CDH12: variants seen among roughly 807,000 people sequenced by gnomAD.
The protein encoded by CDH12 is cadherin-12.
In CDH12, 41 loss-of-function variants were observed where a neutral mutation model predicts 74.1. The ratio of observed to expected loss-of-function variants is 0.55; its 90% CI spans 0.43 to 0.72. The LOEUF is 0.72. CDH12 is among the 30% of genes least tolerant of loss of function. The pLI is 0.00. For synonymous variants in CDH12, 399 were observed against 355.0 expected, an observed-to-expected ratio of 1.12 and a Z score of -1.39; for missense variants, 945 against 977.2, an observed-to-expected ratio of 0.97 and a Z score of 0.44.
At chr5:22,774,644 G>A (rs957666856) in intron 1 of CDH12, among the ~76,000 whole-genome samples, 23 of 152,240 alleles carry the variant, frequency 1.5e-4, no homozygotes, top group African/African-American at 5.3e-4. Context: ...ATCCACGCAA[G>A]ACATGACTTG....
chr5:21,904,551 T>C (rs1753549232), intron 6 of CDH12, among the ~76,000 whole-genome samples: 1 of 152,074 alleles, frequency 6.6e-6, no homozygotes, highest in Middle Eastern at 3.2e-3. Context: ...AGAGGATCAC[T>C]TGAGGCCAGG....
At chr5:21,884,366 C>T in intron 6 of CDH12, 1 of 985,562 alleles carries the variant, frequency 1.0e-6, no homozygotes, top group Middle Eastern at 3.1e-4. Context: ...AAGCCCAAGG[C>T]AGTGTTCCTC....
intron 1 of CDH12, among the ~76,000 whole-genome samples, chr5:22,794,625 T>C (rs991780695): frequency 8.6e-5 from 13 of 152,026 alleles, no homozygotes; most frequent in East Asian, 1.9e-4. Flanking sequence ...TTAGAGAGAA[T>C]AGAAAAAAAT....
At chr5:22,833,984 T>C (rs1354080401) in intron 1 of CDH12, among the ~76,000 whole-genome samples, 2 of 152,126 alleles carry the variant, frequency 1.3e-5, no homozygotes, top group African/African-American at 4.8e-5. Context: ...GACCCTCCAT[T>C]AACTCTGCCC....
chr5:22,313,464 C>A (rs889319561), intron 3 of CDH12, among the ~76,000 whole-genome samples: 1 of 152,102 alleles, frequency 6.6e-6, no homozygotes, highest in African/African-American at 2.4e-5. Flanking sequence ...TTTAGGGTGA[C>A]CAACTTATTC....
chr5:22,689,840 T>C (rs986648498), intron 1 of CDH12, among the ~76,000 whole-genome samples: 1 of 152,014 alleles, frequency 6.6e-6, no homozygotes, highest in African/African-American at 2.4e-5. Context: ...ATGACAGAGA[T>C]GAGTGGACAA....
rs907451828 is a variant in CDH12, at chr5:22,428,449, G to A, written c.-427-23098C>T. On this transcript the variant is annotated intron_variant, in intron 2 of 14. Transcript: ENST00000382254. ...GAGGAATACACATATATATATATGT[G>A]TGTGTGTGTGTGATATGTATGTGTG... 3.9e-3 allele frequency among the ~76,000 whole-genome samples: 593 copies of A among 152,010 alleles called. 7 individuals carry two copies. Among genetic ancestry groups the A allele is most frequent in the African/African-American group, 0.014 (563 of 41,460 alleles).
At chr5:22,017,649 A>T (rs547494240) in intron 5 of CDH12, among the ~76,000 whole-genome samples, 10 of 152,144 alleles carry the variant, frequency 6.6e-5, no homozygotes, top group Non-Finnish European at 1.2e-4. Context: ...GGAGCCAAGA[A>T]TGGCATGCAG....
At chr5:21,799,696 A>G (rs1395102834) in intron 10 of CDH12, among the ~76,000 whole-genome samples, 1 of 152,190 alleles carries the variant, frequency 6.6e-6, no homozygotes, top group Non-Finnish European at 1.5e-5. Context: ...TAATTCTCCA[A>G]ATCGAGGGAA....
chr5:21,903,926 C>A (rs7445360), intron 6 of CDH12, among the ~76,000 whole-genome samples: 111,283 of 152,038 alleles, frequency 0.73, 43,314 homozygotes, highest in Non-Finnish European at 0.86. Context: ...TCAACGACAT[C>A]ATTCCCAATT....
At position 21,994,920 on chromosome 5, in the gene CDH12, A is replaced by G. The variant is rs185712658; in HGVS notation, c.232-19535T>C. On this transcript the variant is annotated intron_variant, in intron 5 of 14. Transcript: ENST00000382254. ...TAAGGTAATAAAAGCTGGCCACCTG[A>G]GCCAGCAACGGCAACGGAGTGGGGT... is the stretch of plus-strand genomic sequence containing the variant. 3.5e-3 allele frequency among the ~76,000 whole-genome samples: 534 copies of G among 152,272 alleles called. 4 individuals carry two copies. The highest frequency in any genetic ancestry group is 0.012 in the African/African-American group (499 of 41,558).
intron 9 of CDH12, among the ~76,000 whole-genome samples, chr5:21,803,774 A>T (rs1747268271): frequency 6.6e-6 from 1 of 152,268 alleles, no homozygotes; most frequent in Non-Finnish European, 1.5e-5. Context: ...TAAGTTGCTA[A>T]TTGCTGTGTC....
chr5:22,289,788 G>A (rs542619276), intron 3 of CDH12, among the ~76,000 whole-genome samples: 3 of 152,238 alleles, frequency 2.0e-5, no homozygotes, highest in South Asian at 4.1e-4. Flanking sequence ...AAAGGACTTT[G>A]CCTTTGAAAA....
At chr5:21,982,039 GC>G (rs1757328329) in intron 5 of CDH12, among the ~76,000 whole-genome samples, 1 of 152,108 alleles carries the variant, frequency 6.6e-6, no homozygotes, top group Non-Finnish European at 1.5e-5. Flanking sequence ...GCCATAAATT[GC>G]CCAGAGATTT....
intron 4 of CDH12, among the ~76,000 whole-genome samples, chr5:22,125,910 T>C (rs191908052): frequency 2.0e-5 from 3 of 152,008 alleles, no homozygotes; most frequent in African/African-American, 7.2e-5. Flanking sequence ...GGCTGACACA[T>C]TGTGAAATTT....
chr5:22,587,199 C>T (rs1015702235), intron 1 of CDH12, among the ~76,000 whole-genome samples: 2 of 151,898 alleles, frequency 1.3e-5, no homozygotes, highest in African/African-American at 2.4e-5. Flanking sequence ...TGGATTAATG[C>T]TGTTATTGCA....
chr5:22,384,923 G>T (rs1358939581), intron 3 of CDH12, among the ~76,000 whole-genome samples: 1 of 152,044 alleles, frequency 6.6e-6, no homozygotes, highest in African/African-American at 2.4e-5. Context: ...TTGTTCTCTA[G>T]GGTCCATGTG....
At chr5:22,258,045 T>C (rs767212907) in intron 3 of CDH12, among the ~76,000 whole-genome samples, 62 of 152,166 alleles carry the variant, frequency 4.1e-4, no homozygotes, top group Non-Finnish European at 5.3e-4. Context: ...GTAGTGTAAG[T>C]GTACAATATT....
intron 10 of CDH12, among the ~76,000 whole-genome samples, chr5:21,792,207 C>T (rs1746537587): frequency 6.6e-6 from 1 of 151,894 alleles, no homozygotes; most frequent in Non-Finnish European, 1.5e-5. Context: ...AACAATATGT[C>T]AATTGTAATT....
Sources: gnomAD v4.1 joint callset for allele counts (sites outside exome capture counted in the v4.1 genomes callset) on GRCh38, gnomAD v4.1.1 for gene constraint, MANE v1.5 for transcripts, NCBI Gene and HGNC (gene_info 2026-07-23, HGNC 2026-07-21) for gene names.